ABHD2: variants seen among roughly 807,000 people sequenced by gnomAD.
ABHD2 encodes the protein monoacylglycerol lipase ABHD2.
Under a neutral mutation model 48.1 loss-of-function variants are expected in ABHD2, and 20 were observed. The observed-to-expected ratio is 0.42, with a 90% CI of 0.29 to 0.60. ABHD2 has a LOEUF of 0.60. Among genes scored for constraint, ABHD2 ranks in the 20% least tolerant of loss-of-function variants. ABHD2 has a pLI of 0.24. For synonymous variants in ABHD2, 209 were observed against 214.2 expected (o/e 0.98, Z 0.21); for missense variants, 405 against 550.9 (o/e 0.74, Z 2.65).
At position 89,088,765 on chromosome 15, in the gene ABHD2, G is replaced by A. The variant is rs1901468004; in HGVS notation, c.-107+202G>A. Among the ~76,000 whole-genome samples the A allele has an allele frequency of 1.3e-5, 2 of 152,338 alleles. No homozygotes were observed. The highest frequency in any genetic ancestry group is 1.3e-4 in the Admixed American group (2 of 15,310). ...TGGTGGGGACAGCCCAGATCGCGGCGGGGGATACGCCTTCCTGAGGCCCTT... is the reference window on the plus strand; with the variant it reads ...TGGTGGGGACAGCCCAGATCGCGGCAGGGGATACGCCTTCCTGAGGCCCTT... On this transcript the variant is annotated intron_variant, in intron 1 of 10. Coordinates refer to ENST00000352732, the MANE Select transcript of ABHD2 (RefSeq NM_152924.5). This position sits in a 1 kb window ranked among gnomAD's most constrained non-coding sequence, Gnocchi z 6.8.
In ABHD2 at chr15:89,164,309, C is replaced by G. The variant is rs1177695672; in HGVS notation, c.538+8775C>G. 2.0e-5 allele frequency among the ~76,000 whole-genome samples: 3 copies of G among 152,174 alleles called. No individual in the cohort carries two copies. The highest frequency in any genetic ancestry group is 7.2e-5 in the African/African-American group (3 of 41,454). On this transcript the variant is annotated intron_variant, in intron 5 of 10. Coordinates refer to ENST00000352732, the MANE Select transcript of ABHD2 (RefSeq NM_152924.5). The surrounding 1 kb of genome is among the most constrained non-coding windows in gnomAD (Gnocchi z 5.0). Reference sequence around the variant, plus strand: ...ATATTTACCAACAGCAACCTTTTCACAGACAGGGACCAGATCTGCATTTCT... The same window carrying G: ...ATATTTACCAACAGCAACCTTTTCAGAGACAGGGACCAGATCTGCATTTCT...
At chr15:89,140,958 A>G (rs536881912) in intron 3 of ABHD2, among the ~76,000 whole-genome samples, 5 of 145,824 alleles carry the variant, frequency 3.4e-5, no homozygotes, top group Admixed American at 3.4e-4. Flanking sequence ...ATTATAGTTA[A>G]TAGTTTAGTT....
chr15:89,058,581 G>A, the ABHD2 span, among the ~76,000 whole-genome samples: 1 of 152,114 alleles, frequency 6.6e-6, no homozygotes, highest in Admixed American at 6.5e-5. Context: ...TCTGGGCCCA[G>A]GGGATGGGGA....
At chr15:89,060,399 T>G in the ABHD2 span, among the ~76,000 whole-genome samples, 187 of 150,818 alleles carry the variant, frequency 1.2e-3, 2 homozygotes, top group African/African-American at 4.4e-3. Flanking sequence ...CCAGCCTTTT[T>G]AAAAAAAAAC....
chr15:89,184,038 G>C lies in ABHD2; in HGVS notation c.723-1386G>C, dbSNP rs2051164923. ...ACTCTTCCTGTAGTGCTTGGTTAGA[G>C]TCGGGCGGGGGTTGGCTGCACATTT... On this transcript the variant is annotated intron_variant, in intron 6 of 10. Coordinates refer to ENST00000352732, the MANE Select transcript of ABHD2 (RefSeq NM_152924.5). This position sits in a 1 kb window ranked among gnomAD's most constrained non-coding sequence, Gnocchi z 5.1. 6.6e-6 allele frequency among the ~76,000 whole-genome samples: 1 copy of C among 152,176 alleles called. No individual in the cohort carries two copies. The highest frequency in any genetic ancestry group is 6.5e-5 in the Admixed American group (1 of 15,286).
chr15:89,134,900 CATA>C (rs1360108331), intron 3 of ABHD2, among the ~76,000 whole-genome samples: 1 of 152,050 alleles, frequency 6.6e-6, no homozygotes, highest in Non-Finnish European at 1.5e-5. Flanking sequence ...ACAAAAGAAA[CATA>C]ATTTTCATTA....
chr15:89,072,784 G>A, the ABHD2 span, among the ~76,000 whole-genome samples: 1 of 151,986 alleles, frequency 6.6e-6, no homozygotes, highest in African/African-American at 2.4e-5. Context: ...CCTCAATATG[G>A]TTATGCCAAG....
intron 1 of ABHD2, among the ~76,000 whole-genome samples, chr15:89,105,358 G>T (rs2049767798): frequency 6.6e-6 from 1 of 152,168 alleles, no homozygotes; most frequent in South Asian, 2.1e-4. Flanking sequence ...TAAATGTGAG[G>T]TTCACGTTTT....
the ABHD2 span, among the ~76,000 whole-genome samples, chr15:89,063,609 A>G: frequency 6.6e-6 from 1 of 152,084 alleles, no homozygotes; most frequent in African/African-American, 2.4e-5. Flanking sequence ...TATTCATACT[A>G]TACATACAGT....
In ABHD2 at chr15:89,091,997, T is replaced by TTAA. The variant is rs1305425692; in HGVS notation, c.-107+3435_-107+3437dup. On this transcript the variant is annotated intron_variant, in intron 1 of 10. Transcript: ENST00000352732. This position sits in a 1 kb window ranked among gnomAD's most constrained non-coding sequence, Gnocchi z 5.5. The stretch of plus-strand genomic sequence containing the variant: ...TGGCCAGTGCATGAGTAGGACATTT[T>TTAA]TAAGCCCTGTGCTGCTGTTTCTTTG... Among the ~76,000 whole-genome samples the TTAA allele has an allele frequency of 6.6e-6, 1 of 152,252 alleles. No individual in the cohort carries two copies. The highest frequency in any genetic ancestry group is 1.5e-5 in the Non-Finnish European group (1 of 68,050).
At chr15:89,103,819 A>G (rs144214396) in intron 1 of ABHD2, 1 of 152,390 alleles carries the variant, frequency 6.6e-6, no homozygotes, top group Non-Finnish European at 1.5e-5. Context: ...GAAGCTGGGC[A>G]GGGCTCCCTG....
At chr15:89,157,232 A>T (rs965888887) in intron 5 of ABHD2, among the ~76,000 whole-genome samples, 1 of 152,244 alleles carries the variant, frequency 6.6e-6, no homozygotes, top group African/African-American at 2.4e-5. Flanking sequence ...TTTTCTCTTG[A>T]ATGACCTTGG....
chr15:89,158,651 G>T (rs76259943), intron 5 of ABHD2, among the ~76,000 whole-genome samples: 1 of 152,106 alleles, frequency 6.6e-6, no homozygotes. Flanking sequence ...CTGAGGACTT[G>T]GTAGGCAGTT....
chr15:89,041,389 T>C, the ABHD2 span: 1 of 152,210 alleles, frequency 6.6e-6, no homozygotes, highest in Admixed American at 6.6e-5. Context: ...TCGGATTGAA[T>C]TCTGCTTTAC....
chr15:89,083,308 CTG>C (rs1202880007), upstream of ABHD2, among the ~76,000 whole-genome samples: 2 of 152,150 alleles, frequency 1.3e-5, no homozygotes, highest in Admixed American at 6.5e-5. This position sits in a 1 kb window ranked among gnomAD's most constrained non-coding sequence, Gnocchi z 5.1. Context: ...GTTTTATCGA[CTG>C]TTTTGCAATT....
intron 3 of ABHD2, among the ~76,000 whole-genome samples, chr15:89,122,281 TTG>T (rs1430901856): frequency 1.3e-5 from 2 of 152,214 alleles, no homozygotes; most frequent in Non-Finnish European, 2.9e-5. Flanking sequence ...TTATGAGAAT[TTG>T]TGTCTCTTTT....
the ABHD2 span, among the ~76,000 whole-genome samples, chr15:89,073,135 G>C: frequency 6.6e-6 from 1 of 151,958 alleles, no homozygotes; most frequent in African/African-American, 2.4e-5. Context: ...CTTTTTGAGG[G>C]GCCTGGGACA....
chr15:89,121,046 T>C (rs781030320), intron 3 of ABHD2, among the ~76,000 whole-genome samples: 57 of 152,328 alleles, frequency 3.7e-4, no homozygotes, highest in South Asian at 1.7e-3. Context: ...CACGTTTGAC[T>C]TTTTTATAGC....
intron 4 of ABHD2, among the ~76,000 whole-genome samples, chr15:89,153,481 C>G (rs1040933742): frequency 6.6e-6 from 1 of 152,130 alleles, no homozygotes; most frequent in Non-Finnish European, 1.5e-5. Flanking sequence ...CACTAAAGCA[C>G]AAAGTTTAGT....
Sources: gnomAD v4.1 joint callset for allele counts (sites outside exome capture counted in the v4.1 genomes callset) on GRCh38, gnomAD v4.1.1 for gene constraint, Gnocchi (gnomAD v3.1) non-coding constraint, MANE v1.5 for transcripts, NCBI Gene and HGNC (gene_info 2026-07-23, HGNC 2026-07-21) for gene names.